Variants in SLC9A1 observed in about 807,000 individuals in gnomAD.
SLC9A1 encodes the protein solute carrier family 9 member A1.
In SLC9A1, 22 loss-of-function variants were observed where a neutral mutation model predicts 67.9. That is an observed-to-expected ratio of 0.32 (90% CI 0.23 to 0.46). The LOEUF (loss-of-function observed/expected upper bound fraction) is 0.46, where lower values mean the gene tolerates loss of function less well. Ranked by LOEUF, SLC9A1 falls within the 20% of genes least tolerant of loss-of-function variation. SLC9A1 has a pLI of 1.00. For synonymous variants in SLC9A1, 421 were observed against 471.8 expected, an observed-to-expected ratio of 0.89 and a Z score of 1.40; for missense variants, 686 against 1,094.8, an observed-to-expected ratio of 0.63 and a Z score of 5.27.
intron 1 of SLC9A1, among the ~76,000 whole-genome samples, chr1:27,144,846 T>C (rs975951378): frequency 1.3e-5 from 2 of 151,914 alleles, no homozygotes; most frequent in African/African-American, 4.8e-5. Flanking sequence ...CCGTCTCTAC[T>C]AAAAACACAA....
In SLC9A1 at chr1:27,101,779, T is replaced by C; in HGVS notation, c.1983A>G (p.Glu661=). ...RHTLVADPYE[E]AWNQMLLRRQ... is the part of the protein sequence containing the mutation. ...TCCGGAGCAGCATCTGGTTCCAGGC[T>C]TCCTCGTAGGGGTCTGCCACCAGCG... Residue 661 remains glutamate, a synonymous_variant, in exon 10 of 12, where the codon GAA becomes GAG. Coordinates refer to ENST00000263980, the MANE Select transcript of SLC9A1 (RefSeq NM_003047.5). The surrounding 1 kb of genome is among the most constrained non-coding windows in gnomAD (Gnocchi z 4.9). 6.2e-7 allele frequency: 1 copy of C among 1,613,166 alleles called. No individual in the cohort carries two copies. The highest frequency in any genetic ancestry group is 1.1e-5 in the South Asian group (1 of 91,026).
In SLC9A1 at chr1:27,106,909, G is replaced by A. The variant is rs2083188693; in HGVS notation, c.1282+739C>T. ...ACAGCCACAGGCTCAGAGTCTCAGG[G>A]CCCCCTCACTTTGACACAGCCTGAC... On this transcript the variant is annotated intron_variant, in intron 4 of 11. Transcript: ENST00000263980. This position sits in a 1 kb window ranked among gnomAD's most constrained non-coding sequence, Gnocchi z 4.3. 6.6e-6 allele frequency among the ~76,000 whole-genome samples: 1 copy of A among 151,834 alleles called. No individual in the cohort carries two copies.
intron 1 of SLC9A1, among the ~76,000 whole-genome samples, chr1:27,138,261 G>A (rs1445846351): frequency 6.6e-6 from 1 of 152,186 alleles, no homozygotes; most frequent in Non-Finnish European, 1.5e-5. Flanking sequence ...ACCCCCCTCA[G>A]GGGCCCTGGT....
chr1:27,154,538 G>C lies in SLC9A1; in HGVS notation c.-204C>G. ...AATCTGGAACTCCAAAGTGGGGAAA[G>C]GGGGCAAGGACCCAGGAACGACCAC... On this transcript the variant is annotated 5_prime_UTR_variant, in exon 1 of 12. Transcript: ENST00000263980. 3.8e-6 allele frequency: 2 copies of C among 531,100 alleles called. No homozygotes were observed. Among genetic ancestry groups the C allele is most frequent in the South Asian group, 2.8e-5 (1 of 36,174 alleles). The allele number at this position is 531,100 out of a possible 1,614,324, so 32.9% of individuals were successfully genotyped here. A position where few individuals can be genotyped will look rare whatever the true frequency, so the allele number is the denominator to read the frequency against.
intron 1 of SLC9A1, among the ~76,000 whole-genome samples, chr1:27,127,189 T>C (rs1293009605): frequency 2.0e-5 from 3 of 152,068 alleles, no homozygotes; most frequent in Middle Eastern, 3.4e-3. Context: ...TTTGTAGAGA[T>C]AGGGGTTTTG....
intron 1 of SLC9A1, among the ~76,000 whole-genome samples, chr1:27,128,715 T>C (rs2083362664): frequency 1.3e-5 from 2 of 151,006 alleles, no homozygotes; most frequent in Admixed American, 6.6e-5. Context: ...CCCAGCACTT[T>C]GAGACGCCAA....
chr1:27,146,972 C>A (rs2083489793), intron 1 of SLC9A1, among the ~76,000 whole-genome samples: 1 of 151,850 alleles, frequency 6.6e-6, no homozygotes, highest in East Asian at 1.9e-4. Context: ...CCCATCTCTA[C>A]TAAAAATACA....
rs537799764 is a variant in SLC9A1 at position 27,123,478 on chromosome 1, T to C, written c.353-9192A>G. Reference sequence around the variant, plus strand: ...CTCAACAACCCTAATGCAGTAGGTATAATTATTATCCACTTTTTATTTTTA... The same window carrying C: ...CTCAACAACCCTAATGCAGTAGGTACAATTATTATCCACTTTTTATTTTTA... On this transcript the variant is annotated intron_variant, in intron 1 of 11. Coordinates refer to ENST00000263980, the MANE Select transcript of SLC9A1 (RefSeq NM_003047.5). Among the ~76,000 whole-genome samples, 15 of 152,196 alleles carry C rather than the reference T, an allele frequency of 9.9e-5. No homozygotes were observed. In the South Asian group the frequency reaches 1.9e-3, roughly 19 times the overall value.
At chr1:27,143,049 A>T (rs1388590593) in intron 1 of SLC9A1, among the ~76,000 whole-genome samples, 92 of 142,992 alleles carry the variant, frequency 6.4e-4, no homozygotes, top group African/African-American at 2.3e-3. Flanking sequence ...AACTGTGTAA[A>T]AAAAAAAAAA....
intron 1 of SLC9A1, among the ~76,000 whole-genome samples, chr1:27,151,489 T>C (rs926828045): frequency 1.3e-5 from 2 of 152,014 alleles, no homozygotes; most frequent in Non-Finnish European, 2.9e-5. Context: ...GCCTCCAGAG[T>C]AGCTGGGATT....
intron 1 of SLC9A1, among the ~76,000 whole-genome samples, chr1:27,152,048 C>A (rs781410636): frequency 2.0e-5 from 3 of 152,122 alleles, no homozygotes; most frequent in African/African-American, 7.2e-5. Context: ...GGTAGGGAGG[C>A]GTGACTGGTC....
intron 1 of SLC9A1, among the ~76,000 whole-genome samples, chr1:27,117,946 A>G (rs1180553032): frequency 6.6e-6 from 1 of 152,168 alleles, no homozygotes; most frequent in Non-Finnish European, 1.5e-5. Context: ...GGGGAGGGCC[A>G]TGCTATTCCA....
At position 27,101,907 on chromosome 1, in the gene SLC9A1, G is replaced by A. The variant is rs994175167; in HGVS notation, c.1936-81C>T. The A allele has an allele frequency of 9.2e-5, 131 of 1,426,640 alleles. No individual in the cohort carries two copies. The highest frequency in any genetic ancestry group is 1.2e-4 in the Non-Finnish European group (122 of 1,014,748). The allele number at this position is 1,426,640 out of a possible 1,614,324, so 88.4% of individuals were successfully genotyped here. On this transcript the variant is annotated intron_variant, in intron 9 of 11. Coordinates refer to ENST00000263980, the MANE Select transcript of SLC9A1 (RefSeq NM_003047.5). The surrounding 1 kb of genome is among the most constrained non-coding windows in gnomAD (Gnocchi z 4.9). ...GGGGTGGGGGCAGTGCTGGAGGCCG[G>A]GCCAGTCCTGGGGTGGGTGCCGAGG...
At chr1:27,145,009 A>G (rs376345813) in intron 1 of SLC9A1, among the ~76,000 whole-genome samples, 61 of 150,972 alleles carry the variant, frequency 4.0e-4, no homozygotes, top group African/African-American at 1.4e-3. Context: ...AGATCTCGCC[A>G]CTGCACTCTG....
intron 1 of SLC9A1, among the ~76,000 whole-genome samples, chr1:27,129,906 G>A (rs1448259434): frequency 3.3e-5 from 5 of 152,204 alleles, no homozygotes; most frequent in East Asian, 3.9e-4. Context: ...TGAGGAAACC[G>A]GGGCAGAGAG....
At chr1:27,135,562 TTC>T (rs2083415465) in intron 1 of SLC9A1, among the ~76,000 whole-genome samples, 1 of 150,306 alleles carries the variant, frequency 6.7e-6, no homozygotes, top group Admixed American at 6.6e-5. Context: ...AGGGAAAATG[TTC>T]TGAGCACCTG....
Position 27,100,732 on chromosome 1 carries a change from G to C in SLC9A1, c.2111-88C>G. On this transcript the variant is annotated intron_variant, in intron 11 of 11. Transcript: ENST00000263980. The surrounding 1 kb of genome is among the most constrained non-coding windows in gnomAD (Gnocchi z 5.6). Reference sequence around the variant, plus strand: ...CTCGGCCGCGTCAGTGCCTCCTTCAGGCCTTCTCATGAGCACAGCCGTCCC... The same window carrying C: ...CTCGGCCGCGTCAGTGCCTCCTTCACGCCTTCTCATGAGCACAGCCGTCCC... The C allele has an allele frequency of 9.1e-7, 1 of 1,103,910 alleles. No individual in the cohort carries two copies. The allele number at this position is 1,103,910 out of a possible 1,614,324, so 68.4% of individuals were successfully genotyped here.
At chr1:27,125,332 G>A (rs2083335763) in intron 1 of SLC9A1, among the ~76,000 whole-genome samples, 1 of 121,770 alleles carries the variant, frequency 8.2e-6, no homozygotes, top group Non-Finnish European at 1.6e-5. Flanking sequence ...TTCAACCTCC[G>A]CCTCCTGGGT....
In SLC9A1 at chr1:27,102,150, G is replaced by C. The variant is rs1224820565; in HGVS notation, c.1821-20C>G. On this transcript the variant is annotated intron_variant, in intron 8 of 11. Coordinates refer to ENST00000263980, the MANE Select transcript of SLC9A1 (RefSeq NM_003047.5). ...ATGTTCCTGGGGCAATAGGGCATCGGTTAGGTCCCCAAGATTCTTGGGATC... is the reference window on the plus strand; with the variant it reads ...ATGTTCCTGGGGCAATAGGGCATCGCTTAGGTCCCCAAGATTCTTGGGATC... 1.3e-6 allele frequency: 2 copies of C among 1,581,486 alleles called. No individual in the cohort carries two copies. Among genetic ancestry groups the C allele is most frequent in the Non-Finnish European group, 1.7e-6 (2 of 1,150,692 alleles).
Sources: gnomAD v4.1 joint callset for allele counts (sites outside exome capture counted in the v4.1 genomes callset) on GRCh38, gnomAD v4.1.1 for gene constraint, Gnocchi (gnomAD v3.1) non-coding constraint, MANE v1.5 for transcripts, NCBI Gene and HGNC (gene_info 2026-07-23, HGNC 2026-07-21) for gene names.